The following STK33 variants were observed in gnomAD, a reference collection of about 807,000 sequenced individuals.
STK33 encodes serine/threonine-protein kinase 33.
A neutral mutation model predicts 58.0 loss-of-function variants in STK33; 52 were observed. The observed-to-expected ratio is 0.90, with a 90% confidence interval of 0.72 to 1.13. The LOEUF (loss-of-function observed/expected upper bound fraction) is 1.13, where lower values mean the gene tolerates loss of function less well. Ranked by LOEUF, STK33 falls within the 50% of genes most tolerant of loss-of-function variation. STK33 has a pLI of 0.00. For synonymous variants in STK33, 215 were observed against 200.1 expected (o/e 1.07, Z -0.63); for missense variants, 630 against 604.2 (o/e 1.04, Z -0.45).
the STK33 span, among the ~76,000 whole-genome samples, chr11:8,356,050 C>T: frequency 2.0e-5 from 3 of 152,306 alleles, no homozygotes; most frequent in South Asian, 2.1e-4. Flanking sequence ...CGTTCTACCC[C>T]GTAACAGGGG....
At chr11:8,385,497 C>T in the STK33 span, among the ~76,000 whole-genome samples, 6 of 152,208 alleles carry the variant, frequency 3.9e-5, no homozygotes, top group Admixed American at 6.5e-5. Context: ...CGGTTGGCTT[C>T]CTTAGAGAGG....
At chr11:8,591,270 T>C (rs757312316) in intron 1 of STK33, among the ~76,000 whole-genome samples, 5 of 152,358 alleles carry the variant, frequency 3.3e-5, no homozygotes, top group Non-Finnish European at 4.4e-5. Context: ...AGATTTTTTA[T>C]TGGACATCAC....
chr11:8,547,939 A>G (rs554423101), intron 1 of STK33, among the ~76,000 whole-genome samples: 1 of 149,072 alleles, frequency 6.7e-6, no homozygotes, highest in Non-Finnish European at 1.5e-5. Context: ...GCATGTTCTC[A>G]CTCATAGGTG....
chr11:8,403,214 T>C (rs1938444419), intron 15 of STK33, among the ~76,000 whole-genome samples: 2 of 152,198 alleles, frequency 1.3e-5, no homozygotes, highest in African/African-American at 2.4e-5. Flanking sequence ...TATGTACCAT[T>C]GCACACTGGT....
the STK33 span, among the ~76,000 whole-genome samples, chr11:8,374,017 T>C: frequency 5.3e-5 from 8 of 152,234 alleles, no homozygotes; most frequent in South Asian, 2.1e-4. Flanking sequence ...TACCCAATTA[T>C]GTAAGCGCCA....
At chr11:8,510,481 G>A (rs1952225752) in intron 1 of STK33, among the ~76,000 whole-genome samples, 1 of 151,906 alleles carries the variant, frequency 6.6e-6, no homozygotes, top group Admixed American at 6.5e-5. Context: ...TATTTTTTTG[G>A]TAGTGTGGAA....
intron 7 of STK33, among the ~76,000 whole-genome samples, chr11:8,462,877 T>C (rs1452777638): frequency 2.0e-5 from 3 of 152,138 alleles, no homozygotes. Context: ...TATTTGAGGA[T>C]AAGCATTGTC....
At position 8,474,994 on chromosome 11, in the gene STK33, G is replaced by A; in HGVS notation, c.-89C>T. 2 of 1,272,160 alleles carry A rather than the reference G, an allele frequency of 1.6e-6. No homozygotes were observed. The highest frequency in any genetic ancestry group is 3.2e-5 in the South Asian group (2 of 63,020). The allele number at this position is 1,272,160 out of a possible 1,614,324, so 78.8% of individuals were successfully genotyped here. A position where few individuals can be genotyped will look rare whatever the true frequency, so the allele number is the denominator to read the frequency against. ...GCCAAAAAGGATAAGGTAGTTGATG[G>A]TGAAAACTGTAATTTCGAACTGGTG... On this transcript the variant is annotated 5_prime_UTR_variant, in exon 5 of 16. Transcript: ENST00000687296.
At chr11:8,362,071 A>G in the STK33 span, among the ~76,000 whole-genome samples, 1 of 152,136 alleles carries the variant, frequency 6.6e-6, no homozygotes, top group Non-Finnish European at 1.5e-5. Flanking sequence ...CAGTTTGACT[A>G]GAGAGGGTGA....
At chr11:8,398,452 C>G (rs1439581116) in intron 15 of STK33, among the ~76,000 whole-genome samples, 8 of 152,120 alleles carry the variant, frequency 5.3e-5, no homozygotes, top group Admixed American at 5.2e-4. Flanking sequence ...AAAAGAGCTC[C>G]CGAAGGAAGC....
intron 15 of STK33, among the ~76,000 whole-genome samples, chr11:8,401,273 A>C (rs895738580): frequency 1.1e-4 from 16 of 152,194 alleles, no homozygotes; most frequent in Admixed American, 7.2e-4. Flanking sequence ...AAACAGAGAT[A>C]TAGACCAATG....
chr11:8,399,353 G>T (rs1350644706), intron 15 of STK33, among the ~76,000 whole-genome samples: 1 of 151,582 alleles, frequency 6.6e-6, no homozygotes, highest in Non-Finnish European at 1.5e-5. Context: ...TGAACAACCT[G>T]CTCCTGAATG....
At chr11:8,523,807 G>T (rs1188199586) in intron 1 of STK33, among the ~76,000 whole-genome samples, 1 of 152,248 alleles carries the variant, frequency 6.6e-6, no homozygotes, top group African/African-American at 2.4e-5. Context: ...CCGCCACCCT[G>T]TCTGGGAGGT....
intron 1 of STK33, among the ~76,000 whole-genome samples, chr11:8,500,685 T>C (rs952571327): frequency 3.9e-5 from 6 of 152,152 alleles, no homozygotes; most frequent in Non-Finnish European, 8.8e-5. Flanking sequence ...GACAAGATAA[T>C]TGTAAAGTTC....
chr11:8,416,861 T>C (rs1941205438), intron 14 of STK33, among the ~76,000 whole-genome samples: 1 of 152,196 alleles, frequency 6.6e-6, no homozygotes, highest in Non-Finnish European at 1.5e-5. Flanking sequence ...AAGCCTGGAC[T>C]AGGTGGTATA....
At chr11:8,554,435 AAAAG>A (rs1210929075) in intron 1 of STK33, among the ~76,000 whole-genome samples, 1 of 151,778 alleles carries the variant, frequency 6.6e-6, no homozygotes, top group Non-Finnish European at 1.5e-5. Context: ...AAAAAAAAAA[AAAAG>A]AGTGAATGAC....
the STK33 span, among the ~76,000 whole-genome samples, chr11:8,340,763 T>C: frequency 6.6e-6 from 1 of 152,130 alleles, no homozygotes; most frequent in Non-Finnish European, 1.5e-5. Context: ...GCACTGGAGC[T>C]CTATGCACCC....
intron 1 of STK33, among the ~76,000 whole-genome samples, chr11:8,547,609 T>C (rs940396152): frequency 6.6e-6 from 1 of 152,242 alleles, no homozygotes; most frequent in Non-Finnish European, 1.5e-5. Context: ...GAGTTCCTTA[T>C]CTATTCTGGT....
the STK33 span, among the ~76,000 whole-genome samples, chr11:8,384,029 C>T: frequency 6.6e-6 from 1 of 152,150 alleles, no homozygotes. Flanking sequence ...AAACTTCATA[C>T]GATCAGCTAG....
Sources: allele counts gnomAD v4.1 joint callset (sites outside exome capture counted in the v4.1 genomes callset), GRCh38; gene constraint gnomAD v4.1.1; transcripts MANE v1.5; gene names NCBI Gene and HGNC (gene_info 2026-07-23, HGNC 2026-07-21).